The following INO80C variants were observed in gnomAD, a reference collection of about 807,000 sequenced individuals.
The protein encoded by INO80C is IES6 homolog.
INO80C carries 17 observed loss-of-function variants against 17.7 expected under a neutral mutation model. That is an observed-to-expected ratio of 0.96 (90% confidence interval 0.66 to 1.44). INO80C has a LOEUF of 1.44. Among genes scored for constraint, INO80C ranks in the 40% most tolerant of loss-of-function variants. The pLI is 0.00. For missense variants in INO80C, 244 were observed against 245.0 expected, an observed-to-expected ratio of 1.00 and a Z score of 0.03; for synonymous variants, 96 against 95.8, an observed-to-expected ratio of 1.00 and a Z score of -0.01.
intron 4 of INO80C, among the ~76,000 whole-genome samples, chr18:35,472,012 T>C (rs574014708): frequency 6.6e-6 from 1 of 152,340 alleles, no homozygotes; most frequent in African/African-American, 2.4e-5. Flanking sequence ...TTGTTGGACA[T>C]TTGGGTTGGC....
chr18:35,474,204 T>A (rs2045703783), intron 4 of INO80C, among the ~76,000 whole-genome samples: 1 of 82,042 alleles, frequency 1.2e-5, no homozygotes, highest in African/African-American at 5.2e-5. Flanking sequence ...TGTGTGTGTG[T>A]GTCTATATAT....
Position 35,479,210 on chromosome 18 carries a change from T to C in INO80C, c.379+90A>G, listed in dbSNP as rs2045775689. On this transcript the variant is annotated intron_variant, in intron 3 of 4. Coordinates refer to ENST00000334598, the MANE Select transcript of INO80C (RefSeq NM_194281.4). ...TCAAGCTAAAAATTATTTCCTACAA[T>C]GATGCAAACACAATACAATAATGTA... 6.3e-6 allele frequency: 5 copies of C among 796,316 alleles called. No individual in the cohort carries two copies. The South Asian group carries it at 8.0e-5, about 13-fold the overall frequency. The allele number at this position is 796,316 out of a possible 1,614,324, so 49.3% of individuals were successfully genotyped here. A position where few individuals can be genotyped will look rare whatever the true frequency, so the allele number is the denominator to read the frequency against.
At chr18:35,472,664 C>G (rs1415133370) in intron 4 of INO80C, among the ~76,000 whole-genome samples, 1 of 152,126 alleles carries the variant, frequency 6.6e-6, no homozygotes, top group Non-Finnish European at 1.5e-5. Context: ...TCTCAACAGA[C>G]TGCTCCAATT....
chr18:35,490,759 T>TTTGTTGTTG (rs56389345), intron 1 of INO80C, among the ~76,000 whole-genome samples: 2 of 151,174 alleles, frequency 1.3e-5, no homozygotes, highest in Non-Finnish European at 2.9e-5. Context: ...TTTTTATTAT[T>TTTGTTGTTG]TTGTTGTTGT....
At chr18:35,497,221 T>C (rs1426364684) in intron 1 of INO80C, 4 of 482,754 alleles carry the variant, frequency 8.3e-6, no homozygotes, top group Non-Finnish European at 1.1e-5. Context: ...GCCCATGAGT[T>C]AAGACCAAAC....
chr18:35,473,162 C>A (rs2045690943), intron 4 of INO80C, among the ~76,000 whole-genome samples: 1 of 152,178 alleles, frequency 6.6e-6, no homozygotes, highest in Admixed American at 6.5e-5. Flanking sequence ...TAAACTGTGG[C>A]CTCCAGAAAC....
At chr18:35,489,952 T>A (rs1264153121) in intron 1 of INO80C, among the ~76,000 whole-genome samples, 1 of 151,742 alleles carries the variant, frequency 6.6e-6, no homozygotes, top group Non-Finnish European at 1.5e-5. Context: ...TGTAAGAGAA[T>A]GACTTTGGTT....
At chr18:35,481,289 A>T (rs560028204) in intron 1 of INO80C, among the ~76,000 whole-genome samples, 4 of 152,354 alleles carry the variant, frequency 2.6e-5, no homozygotes, top group African/African-American at 9.6e-5. Context: ...AAAACAAGCC[A>T]AAGTAAGAAA....
At position 35,479,317 on chromosome 18, in the gene INO80C, T is replaced by C; in HGVS notation, c.362A>G (p.Gln121Arg). 3 of 1,612,904 alleles carry C rather than the reference T, an allele frequency of 1.9e-6. No homozygotes were observed. Among genetic ancestry groups the C allele is most frequent in the Non-Finnish European group, 2.5e-6 (3 of 1,178,848 alleles). ...ILASERALPW[Q>R]LNDPNYFSID... ...CAGCTCACAGTTAGGATCGTTCAGTTGCCACGGCAATGCCCTTTCAGAAGC... is the reference window on the plus strand; with the variant it reads ...CAGCTCACAGTTAGGATCGTTCAGTCGCCACGGCAATGCCCTTTCAGAAGC... The change falls in exon 3 of 5, where the codon CAA becomes CGA. Residue 121 changes from glutamine to arginine, a missense_variant. Coordinates refer to ENST00000334598, the MANE Select transcript of INO80C (RefSeq NM_194281.4).
chr18:35,481,644 G>A (rs1239473434), intron 1 of INO80C, among the ~76,000 whole-genome samples: 1 of 152,196 alleles, frequency 6.6e-6, no homozygotes, highest in African/African-American at 2.4e-5. Flanking sequence ...AGCACTTTGG[G>A]AGGCTGAGGT....
intron 4 of INO80C, among the ~76,000 whole-genome samples, chr18:35,470,857 C>A (rs1324517719): frequency 6.6e-6 from 1 of 152,238 alleles, no homozygotes; most frequent in East Asian, 1.9e-4. Flanking sequence ...CACCTACAGT[C>A]CACCCTCCTC....
intron 4 of INO80C, among the ~76,000 whole-genome samples, chr18:35,474,520 T>C (rs1014169978): frequency 6.6e-6 from 1 of 151,166 alleles, no homozygotes; most frequent in Non-Finnish European, 1.5e-5. Context: ...AGACCCCTTC[T>C]CTATAAAAAA....
intron 4 of INO80C, among the ~76,000 whole-genome samples, chr18:35,471,833 C>CTA (rs66723322): frequency 0.94 from 140,789 of 150,478 alleles, 66,208 homozygotes; most frequent in East Asian, 1. Flanking sequence ...CAATTCCCAC[C>CTA]TGAGTGACAA....
At chr18:35,497,399 A>G (rs571249790) in intron 1 of INO80C, 1 of 1,104,662 alleles carries the variant, frequency 9.1e-7, no homozygotes, top group East Asian at 6.9e-5. Context: ...AGACACGCAA[A>G]TTTCTGAATG....
intron 4 of INO80C, among the ~76,000 whole-genome samples, chr18:35,470,590 C>T (rs911389821): frequency 2.0e-5 from 3 of 152,172 alleles, no homozygotes; most frequent in African/African-American, 4.8e-5. Context: ...GAACCAGCCT[C>T]GGCTGAGCTC....
chr18:35,473,200 C>T (rs1203072507), intron 4 of INO80C, among the ~76,000 whole-genome samples: 1 of 152,232 alleles, frequency 6.6e-6, no homozygotes, highest in Non-Finnish European at 1.5e-5. Flanking sequence ...GAGATTTCCA[C>T]TTTGGGTCAT....
At chr18:35,472,073 G>A (rs2045677584) in intron 4 of INO80C, among the ~76,000 whole-genome samples, 1 of 152,216 alleles carries the variant, frequency 6.6e-6, no homozygotes, top group African/African-American at 2.4e-5. Context: ...ACATGTGCAT[G>A]TGTCTTTATA....
In INO80C at chr18:35,478,340, A is replaced by G. The variant is rs748705593; in HGVS notation, c.389T>C (p.Ile130Thr). 7 of 1,586,692 alleles carry G rather than the reference A, an allele frequency of 4.4e-6. No homozygotes were observed. The Admixed American group carries it at 5.4e-5, about 12-fold the overall frequency. Residue 130 changes from isoleucine to threonine, a missense_variant, in exon 4 of 5, where the codon ATT becomes ACT. By Grantham distance (89) the Ile-to-Thr change is moderately conservative. Coordinates refer to ENST00000334598, the MANE Select transcript of INO80C (RefSeq NM_194281.4). ...TGGCTTAAAGGATGGAGGAGCATCA[A>G]TACTGAAGTCTGGGAAAAAAAAAAA... ...WQLNDPNYFS[I>T]DAPPSFKPAK...
At chr18:35,484,576 T>C (rs902112617) in intron 1 of INO80C, among the ~76,000 whole-genome samples, 4 of 152,264 alleles carry the variant, frequency 2.6e-5, no homozygotes, top group Admixed American at 2.0e-4. Context: ...CATTATTCCC[T>C]AAACTGTACA....
Sources: allele counts gnomAD v4.1 joint callset (sites outside exome capture counted in the v4.1 genomes callset), GRCh38; gene constraint gnomAD v4.1.1; transcripts MANE v1.5; gene names NCBI Gene and HGNC (gene_info 2026-07-23, HGNC 2026-07-21).